PAX7: variants seen among roughly 807,000 people sequenced by gnomAD.
PAX7 encodes the protein paired box 7.
In PAX7, 18 loss-of-function variants were observed where a neutral mutation model predicts 50.7. The observed-to-expected ratio is 0.36, with a 90% CI of 0.25 to 0.53. The LOEUF (loss-of-function observed/expected upper bound fraction) is 0.53. Among genes scored for constraint, PAX7 ranks in the 20% least tolerant of loss-of-function variants. PAX7 has a pLI of 0.93. For missense variants in PAX7, 644 were observed against 702.9 expected (o/e 0.92, Z 0.95); for synonymous variants, 310 against 290.4 (o/e 1.07, Z -0.69).
intron 4 of PAX7, among the ~76,000 whole-genome samples, chr1:18,674,183 T>C (rs1158209616): frequency 1.3e-5 from 2 of 152,212 alleles, no homozygotes; most frequent in African/African-American, 4.8e-5. Context: ...TTCTGGGCAT[T>C]GAGGATAAAG....
chr1:18,721,168 G>T (rs1405959314), intron 7 of PAX7, among the ~76,000 whole-genome samples: 1 of 152,124 alleles, frequency 6.6e-6, no homozygotes, highest in African/African-American at 2.4e-5. Context: ...TGCACAGGGG[G>T]CTGCCCGGGC....
chr1:18,739,275 C>T (rs1049191012), intron 8 of PAX7, among the ~76,000 whole-genome samples: 1 of 152,222 alleles, frequency 6.6e-6, no homozygotes, highest in Non-Finnish European at 1.5e-5. Context: ...TTTGTGGAGG[C>T]CACTGAGCAG....
chr1:18,695,853 C>T lies in PAX7; in HGVS notation c.786+3900C>T, dbSNP rs532176758. On this transcript the variant is annotated intron_variant, in intron 5 of 8. Transcript: ENST00000420770. Reference sequence around the variant, plus strand: ...CTCCCATGACTGCCTCTGATGACTTCCCCATCCTTCAGATGATCAGCACCA... The same window carrying T: ...CTCCCATGACTGCCTCTGATGACTTTCCCATCCTTCAGATGATCAGCACCA... 1.7e-4 allele frequency among the ~76,000 whole-genome samples: 26 copies of T among 152,282 alleles called. No individual in the cohort carries two copies. In the South Asian group the frequency reaches 4.6e-3, roughly 27 times the overall value.
rs2282699 is a variant in PAX7, at chr1:18,708,866, C to T, written c.1155+5570C>T. Among the ~76,000 whole-genome samples the T allele has an allele frequency of 6.1e-3, 936 of 152,272 alleles. 29 individuals are homozygous for T. The East Asian group carries it at 0.09, about 15-fold the overall frequency. On this transcript the variant is annotated intron_variant, in intron 7 of 8. Transcript: ENST00000420770. The stretch of plus-strand genomic sequence containing the variant: ...AGTCTGATGGTGGAAGCACAGCCCT[C>T]TCTTGGAACAGAGCTCCAAGAGACA...
intron 4 of PAX7, among the ~76,000 whole-genome samples, chr1:18,665,727 T>C (rs1324226370): frequency 6.9e-6 from 1 of 145,098 alleles, no homozygotes; most frequent in East Asian, 2.1e-4. Flanking sequence ...CTGGAGTACA[T>C]GGCATAATCT....
rs1557554865 is a variant in PAX7 at position 18,726,926 on chromosome 1, C to G, written c.1156-8706C>G. 6.6e-6 allele frequency among the ~76,000 whole-genome samples: 1 copy of G among 152,194 alleles called. No individual in the cohort carries two copies. Among genetic ancestry groups the G allele is most frequent in the Admixed American group, 6.5e-5 (1 of 15,284 alleles). On this transcript the variant is annotated intron_variant, in intron 7 of 8. Coordinates refer to ENST00000420770, the MANE Select transcript of PAX7 (RefSeq NM_001135254.2). This position sits in a 1 kb window ranked among gnomAD's most constrained non-coding sequence, Gnocchi z 4.8. ...GCAGTCAATGACCCGGTGTTCACCACGTATCCTCTGAGCTTCCAAGGTCCC... is the reference window on the plus strand; with the variant it reads ...GCAGTCAATGACCCGGTGTTCACCAGGTATCCTCTGAGCTTCCAAGGTCCC...
rs149565983 is a variant in PAX7 at position 18,745,672 on chromosome 1, G to A, written c.*743G>A. ...GGTGGGGCTTGTCAGCCGTGGGCCC[G>A]CCCAGGATACAAGGACCCAACTCAG... On this transcript the variant is annotated 3_prime_UTR_variant, in exon 9 of 9. Transcript: ENST00000420770. 254 of 230,752 alleles carry A rather than the reference G, an allele frequency of 1.1e-3. No homozygotes were observed. Among genetic ancestry groups the A allele is most frequent in the Middle Eastern group, 7.8e-3 (6 of 772 alleles). 14.3% of individuals were successfully genotyped at this position (230,752 alleles called of 1,614,324 possible).
intron 5 of PAX7, among the ~76,000 whole-genome samples, chr1:18,695,706 A>G (rs1204690834): frequency 1.3e-5 from 2 of 152,206 alleles, no homozygotes; most frequent in East Asian, 1.9e-4. Context: ...GGAGTGATAC[A>G]TATATCTTCC....
chr1:18,648,635 G>A (rs1195822754), intron 4 of PAX7, among the ~76,000 whole-genome samples: 1 of 152,158 alleles, frequency 6.6e-6, no homozygotes, highest in African/African-American at 2.4e-5. Context: ...GAGCCGCCAT[G>A]CCCAGCCATT....
intron 5 of PAX7, among the ~76,000 whole-genome samples, chr1:18,699,848 G>A (rs891049792): frequency 6.6e-5 from 10 of 152,134 alleles, no homozygotes; most frequent in Admixed American, 2.0e-4. Context: ...GGTGTGAGCC[G>A]CTGCGCCCGG....
At chr1:18,667,449 A>G (rs1024342400) in intron 4 of PAX7, among the ~76,000 whole-genome samples, 3 of 144,314 alleles carry the variant, frequency 2.1e-5, no homozygotes, top group African/African-American at 5.1e-5. Context: ...GAAGGAAGGA[A>G]GGAGCTTTGG....
chr1:18,693,296 G>A (rs1390578777), intron 5 of PAX7, among the ~76,000 whole-genome samples: 1 of 152,182 alleles, frequency 6.6e-6, no homozygotes, highest in Non-Finnish European at 1.5e-5. Flanking sequence ...TGGCATTGCT[G>A]GGGCTGCTTC....
chr1:18,743,000 C>A (rs1401602940), intron 8 of PAX7, among the ~76,000 whole-genome samples: 2 of 152,146 alleles, frequency 1.3e-5, no homozygotes, highest in Non-Finnish European at 2.9e-5. Context: ...CAGGAGGTAA[C>A]TGGGACTGCA....
intron 7 of PAX7, among the ~76,000 whole-genome samples, chr1:18,720,784 C>T (rs1242621425): frequency 1.3e-5 from 2 of 150,340 alleles, no homozygotes; most frequent in African/African-American, 4.9e-5. Flanking sequence ...GCAAGAAAAC[C>T]TAGGGCAGAG....
intron 4 of PAX7, among the ~76,000 whole-genome samples, chr1:18,680,394 G>A (rs2100265589): frequency 6.6e-6 from 1 of 152,250 alleles, no homozygotes; most frequent in African/African-American, 2.4e-5. Context: ...ACTGGGTCTG[G>A]GATTGGTGGC....
chr1:18,650,998 G>A (rs1165330200), intron 4 of PAX7, among the ~76,000 whole-genome samples: 1 of 152,080 alleles, frequency 6.6e-6, no homozygotes, highest in African/African-American at 2.4e-5. Flanking sequence ...TCAGCTCTGG[G>A]CTCTGAGCCC....
chr1:18,682,814 G>T (rs567412167), intron 4 of PAX7, among the ~76,000 whole-genome samples: 13 of 152,286 alleles, frequency 8.5e-5, no homozygotes, highest in Admixed American at 7.8e-4. Context: ...CTGTGGGGGC[G>T]GGGTAGGCAG....
chr1:18,705,306 T>A (rs2089269450), intron 7 of PAX7, among the ~76,000 whole-genome samples: 1 of 152,208 alleles, frequency 6.6e-6, no homozygotes, highest in African/African-American at 2.4e-5. Flanking sequence ...ACAGGATCCC[T>A]GAACTGGCTG....
At chr1:18,712,868 G>T (rs1280277478) in intron 7 of PAX7, among the ~76,000 whole-genome samples, 1 of 152,010 alleles carries the variant, frequency 6.6e-6, no homozygotes, top group Non-Finnish European at 1.5e-5. Flanking sequence ...GATCGCTTGA[G>T]GTCAGGAGAC....
Sources: allele counts gnomAD v4.1 joint callset (sites outside exome capture counted in the v4.1 genomes callset), GRCh38; gene constraint gnomAD v4.1.1; non-coding constraint Gnocchi (gnomAD v3.1); transcripts MANE v1.5; gene names NCBI Gene and HGNC (gene_info 2026-07-23, HGNC 2026-07-21).